The following DAB1 variants were observed in gnomAD, a reference collection of about 807,000 sequenced individuals.
DAB1 encodes the protein disabled homolog 1.
Under a neutral mutation model 64.6 loss-of-function variants are expected in DAB1, and 15 were observed. The observed-to-expected ratio is 0.23, with a 90% confidence interval of 0.16 to 0.36. The LOEUF is 0.36. DAB1 is among the 10% of genes least tolerant of loss of function. The pLI is 1.00. For missense variants in DAB1, 596 were observed against 706.7 expected (o/e 0.84, Z 1.78); for synonymous variants, 235 against 251.9 (o/e 0.93, Z 0.64).
Position 57,680,576 on chromosome 1 carries a change from C to G in DAB1, n.552-30911G>C, listed in dbSNP as rs546923725. On this transcript the variant is annotated intron_variant and non_coding_transcript_variant, in intron 6 of 20. Coordinates refer to the DAB1 transcript ENST00000485760. Reference sequence around the variant, plus strand: ...TCTCATATCACATCACTTCATCACTCCAATGATTTGTTTTCAACAGTATCT... The same window carrying G: ...TCTCATATCACATCACTTCATCACTGCAATGATTTGTTTTCAACAGTATCT... 2.0e-5 allele frequency among the ~76,000 whole-genome samples: 3 copies of G among 152,278 alleles called. No individual in the cohort carries two copies. In the East Asian group the frequency reaches 5.8e-4, roughly 29 times the overall value.
chr1:57,304,110 TG>T (rs779347939), intron 1 of DAB1, among the ~76,000 whole-genome samples: 2 of 152,136 alleles, frequency 1.3e-5, no homozygotes, highest in Non-Finnish European at 2.9e-5. Context: ...ATCTGGCTCA[TG>T]GTTCTGGGGA....
intron 5 of DAB1, among the ~76,000 whole-genome samples, chr1:58,066,478 G>A (rs983681593): frequency 6.6e-6 from 1 of 152,120 alleles, no homozygotes; most frequent in African/African-American, 2.4e-5. Context: ...AATAATAATT[G>A]CAAAAGAACA....
At chr1:57,575,670 T>G (rs949613843) in intron 7 of DAB1, among the ~76,000 whole-genome samples, 1 of 152,238 alleles carries the variant, frequency 6.6e-6, no homozygotes, top group Non-Finnish European at 1.5e-5. Context: ...AATACAGTAC[T>G]GTACTGGGGC....
At chr1:58,158,822 CA>C (rs1655358773) in intron 4 of DAB1, among the ~76,000 whole-genome samples, 1 of 152,192 alleles carries the variant, frequency 6.6e-6, no homozygotes, top group Admixed American at 6.5e-5. Context: ...GATCCCAAAG[CA>C]AATGCAGGCA....
At chr1:57,302,692 C>A (rs544211570) in intron 1 of DAB1, among the ~76,000 whole-genome samples, 77 of 152,246 alleles carry the variant, frequency 5.1e-4, no homozygotes, top group Admixed American at 1.1e-3. Context: ...CAGCCTCCAA[C>A]TCCTGGGTTC....
At chr1:57,617,786 T>G (rs927195798) in intron 7 of DAB1, among the ~76,000 whole-genome samples, 5 of 152,216 alleles carry the variant, frequency 3.3e-5, no homozygotes, top group Non-Finnish European at 7.3e-5. Flanking sequence ...TTCCCAAGAC[T>G]CACCTGTGCT....
chr1:57,408,383 T>G (rs533907171), intron 1 of DAB1, among the ~76,000 whole-genome samples: 1 of 152,210 alleles, frequency 6.6e-6, no homozygotes, highest in Non-Finnish European at 1.5e-5. Context: ...ATGTAACTCA[T>G]GAATGCTTCT....
intron 4 of DAB1, among the ~76,000 whole-genome samples, chr1:58,278,186 C>G (rs892620342): frequency 7.2e-5 from 11 of 152,178 alleles, no homozygotes; most frequent in African/African-American, 2.7e-4. Flanking sequence ...CCATGCTGTT[C>G]TCATGATAGC....
intron 2 of DAB1, among the ~76,000 whole-genome samples, chr1:57,187,901 A>AC (rs1326353464): frequency 6.6e-6 from 1 of 151,956 alleles, no homozygotes; most frequent in Non-Finnish European, 1.5e-5. Context: ...GGAGAGAGAG[A>AC]CCCCGCAAGG....
chr1:57,780,581 A>G (rs1650017588), intron 6 of DAB1, among the ~76,000 whole-genome samples: 1 of 108,542 alleles, frequency 9.2e-6, no homozygotes, highest in African/African-American at 2.8e-5. Flanking sequence ...AGTGGAAGAC[A>G]AAAAAGAAAA....
intron 5 of DAB1, among the ~76,000 whole-genome samples, chr1:58,007,043 G>A (rs1646594718): frequency 6.6e-6 from 1 of 152,108 alleles, no homozygotes; most frequent in African/African-American, 2.4e-5. Context: ...CACCATCACA[G>A]CTCTGATAGT....
At position 57,843,996 on chromosome 1, in the gene DAB1, A is replaced by G. The variant is rs369785829; in HGVS notation, n.88-17541T>C. Among the ~76,000 whole-genome samples the G allele has an allele frequency of 9.2e-5, 14 of 152,244 alleles. No homozygotes were observed. In the East Asian group the frequency reaches 1.2e-3, roughly 13 times the overall value. ...AAAATCTGTGCCTGATGTTCCAGCC[A>G]CAATTACTTTCTGGCTGTTCCCTGA... is the stretch of plus-strand genomic sequence containing the variant. On this transcript the variant is annotated intron_variant and non_coding_transcript_variant, in intron 1 of 1. Transcript: ENST00000477280.
intron 3 of DAB1, chr1:58,506,000 A>T: frequency 2.6e-6 from 2 of 779,978 alleles, no homozygotes; most frequent in Middle Eastern, 5.0e-4. Context: ...AAGAAGTGAC[A>T]GCATTAAAAA....
intron 5 of DAB1, among the ~76,000 whole-genome samples, chr1:58,055,392 G>C (rs540238311): frequency 2.6e-5 from 4 of 152,168 alleles, no homozygotes; most frequent in African/African-American, 9.6e-5. Flanking sequence ...ATTTAGATCT[G>C]TGCTCACATA....
intron 4 of DAB1, among the ~76,000 whole-genome samples, chr1:58,157,874 G>GA (rs1320827118): frequency 1.3e-5 from 2 of 152,112 alleles, no homozygotes; most frequent in African/African-American, 4.8e-5. Flanking sequence ...TGCCTATTAT[G>GA]AGCTAACACT....
rs187849349 is a variant in DAB1 at position 57,702,155 on chromosome 1, G to T, written n.552-52490C>A. Among the ~76,000 whole-genome samples the T allele has an allele frequency of 1.1e-3, 168 of 152,168 alleles. 1 individual carries two copies. The South Asian group carries it at 0.022, about 20-fold the overall frequency. ...TTATATTTTTTTCTTGAATATGTTT[G>T]CTTAGAGGCTCTTTGCAATTCACTG... On this transcript the variant is annotated intron_variant and non_coding_transcript_variant, in intron 6 of 20. Coordinates refer to the DAB1 transcript ENST00000485760.
At chr1:58,165,191 AAGAC>A (rs1166869741) in intron 4 of DAB1, among the ~76,000 whole-genome samples, 1 of 152,156 alleles carries the variant, frequency 6.6e-6, no homozygotes, top group East Asian at 1.9e-4. Flanking sequence ...TCTTGAAGTA[AAGAC>A]AGACAGATGT....
intron 7 of DAB1, among the ~76,000 whole-genome samples, chr1:57,641,374 TG>T (rs1646125748): frequency 7.7e-6 from 1 of 129,760 alleles, no homozygotes; most frequent in African/African-American, 3.0e-5. Context: ...CTCTTTTTTT[TG>T]TTGGTTTTTT....
chr1:57,831,316 C>T (rs2101904539), intron 1 of DAB1, among the ~76,000 whole-genome samples: 1 of 152,224 alleles, frequency 6.6e-6, no homozygotes, highest in South Asian at 2.1e-4. Flanking sequence ...TCAGACTCTA[C>T]TAATGTTTTT....
Sources: gnomAD v4.1 joint callset for allele counts (sites outside exome capture counted in the v4.1 genomes callset) on GRCh38, gnomAD v4.1.1 for gene constraint, MANE v1.5 for transcripts, NCBI Gene and HGNC (gene_info 2026-07-23, HGNC 2026-07-21) for gene names.